ARFGEF3: variants seen among roughly 807,000 people sequenced by gnomAD.
ARFGEF3 encodes the protein ARFGEF family member 3.
A neutral mutation model predicts 221.7 loss-of-function variants in ARFGEF3; 96 were observed. The observed-to-expected ratio is 0.43, with a 90% CI of 0.37 to 0.51. The LOEUF (loss-of-function observed/expected upper bound fraction) is 0.51. Ranked by LOEUF, ARFGEF3 falls within the 20% of genes least tolerant of loss-of-function variation. The probability of loss-of-function intolerance (pLI) is 0.00; values close to 1 mark genes in which losing one functional copy is unlikely to be tolerated. For synonymous variants in ARFGEF3, 1,145 were observed against 1,126.8 expected (o/e 1.02, Z -0.32); for missense variants, 2,410 against 2,789.9 (o/e 0.86, Z 3.07).
At position 138,249,304 on chromosome 6, in the gene ARFGEF3, G is replaced by T. The variant is rs963494039; in HGVS notation, c.665+3713G>T. Among the ~76,000 whole-genome samples the T allele has an allele frequency of 2.0e-5, 3 of 152,150 alleles. No individual in the cohort carries two copies. In the South Asian group the frequency reaches 6.2e-4, roughly 32 times the overall value. On this transcript the variant is annotated intron_variant, in intron 8 of 33. Transcript: ENST00000251691. ...AGCATTTCTTAACCACATGACTTAA[G>T]AATAGGTATTTTGTTTTTGTTTTGT... is the stretch of plus-strand genomic sequence containing the variant.
At chr6:138,333,088 T>C (rs1485008116) in intron 32 of ARFGEF3, among the ~76,000 whole-genome samples, 1 of 152,230 alleles carries the variant, frequency 6.6e-6, no homozygotes, top group Non-Finnish European at 1.5e-5. Context: ...TAATTGGCCA[T>C]ATAATGGCCA....
Position 138,298,719 on chromosome 6 carries a change from A to G in ARFGEF3, c.3762A>G (p.Glu1254=). ...WNEPPHFHFN[E]ALFRPFERIM... is the part of the protein sequence containing the mutation. Reference sequence around the variant, plus strand: ...AGCCACCTCATTTTCACTTCAATGAAGCACTCTTCCGACCTTTCGAGCGCA... The same window carrying G: ...AGCCACCTCATTTTCACTTCAATGAGGCACTCTTCCGACCTTTCGAGCGCA... Residue 1254 remains glutamate (E), a synonymous_variant, in exon 22 of 34, where the codon GAA becomes GAG. Transcript: ENST00000251691. The G allele has an allele frequency of 6.2e-7, 1 of 1,613,618 alleles. No homozygotes were observed. The highest frequency in any genetic ancestry group is 8.5e-7 in the Non-Finnish European group (1 of 1,179,746).
chr6:138,325,859 T>TG (rs1308627717), intron 31 of ARFGEF3, among the ~76,000 whole-genome samples: 3 of 139,440 alleles, frequency 2.2e-5, no homozygotes, highest in African/African-American at 8.5e-5. Flanking sequence ...TTGTTGTTGT[T>TG]TGTTTGTTTT....
Position 138,334,984 on chromosome 6 carries a change from AG to A in ARFGEF3, c.6139del (p.Val2047TrpfsTer24). The A allele has an allele frequency of 6.3e-7, 1 of 1,586,036 alleles. No individual in the cohort carries two copies. Among genetic ancestry groups the A allele is most frequent in the Admixed American group, 1.8e-5 (1 of 55,158 alleles). On this transcript the variant is annotated frameshift_variant, in exon 33 of 34. Transcript: ENST00000251691. LOFTEE classifies it high-confidence loss of function. This position sits in a 1 kb window ranked among gnomAD's most constrained non-coding sequence, Gnocchi z 5.1. Reference protein sequence around the residue: ...NLSAFPKEVKVEKKGEPLGPR... With the variant: ...NLSAFPKEVKXEKKGEPLGPR... ...TGTCCGCGTTCCCCAAAGAGGTCAA[AG>A]TGGAGAAGAAAGGAGAGCCACTGGG...
intron 5 of ARFGEF3, among the ~76,000 whole-genome samples, chr6:138,236,002 G>A (rs1057487700): frequency 5.9e-5 from 9 of 152,158 alleles, no homozygotes; most frequent in Non-Finnish European, 8.8e-5. Context: ...TAAAAACAGT[G>A]CTGGCATTAA....
intron 2 of ARFGEF3, among the ~76,000 whole-genome samples, chr6:138,197,566 T>C (rs1040523295): frequency 2.0e-5 from 3 of 152,220 alleles, no homozygotes; most frequent in Non-Finnish European, 4.4e-5. Context: ...GTGAGTATAG[T>C]GTTGCATGAT....
Position 138,209,966 on chromosome 6 carries a change from G to A in ARFGEF3, c.276G>A (p.Gln92=). ...TGGAAACAGATTCTGATGAGAAGCA[G>A]CTGCTCAATCAGATACTGAATGCCG... ...VSMETDSDEK[Q]LLNQILNAVK... is the part of the protein sequence containing the mutation. Residue 92 remains glutamine (Q), a synonymous_variant, in exon 4 of 34, where the codon CAG becomes CAA. Coordinates refer to ENST00000251691, the MANE Select transcript of ARFGEF3 (RefSeq NM_020340.5). The A allele has an allele frequency of 1.2e-6, 2 of 1,613,810 alleles. No homozygotes were observed. The highest frequency in any genetic ancestry group is 1.3e-5 in the African/African-American group (1 of 75,038).
chr6:138,239,579 G>T (rs1778354938), intron 6 of ARFGEF3, among the ~76,000 whole-genome samples: 1 of 151,174 alleles, frequency 6.6e-6, no homozygotes, highest in African/African-American at 2.4e-5. Context: ...AACTCAGGAG[G>T]TGGAGGTTGC....
chr6:138,255,057 G>A (rs111685060), intron 9 of ARFGEF3, among the ~76,000 whole-genome samples: 204 of 152,286 alleles, frequency 1.3e-3, no homozygotes, highest in African/African-American at 4.6e-3. Flanking sequence ...TGGGCTTATC[G>A]ACAGGAAGGA....
At position 138,171,105 on chromosome 6, in the gene ARFGEF3, C is replaced by T. The variant is rs571092653; in HGVS notation, c.137+392C>T. Among the ~76,000 whole-genome samples, 36 of 148,876 alleles carry T rather than the reference C, an allele frequency of 2.4e-4. No homozygotes were observed. In the East Asian group the frequency reaches 5.8e-3, roughly 24 times the overall value. Reference sequence around the variant, plus strand: ...TCTCATTAGGCCTGACCTCCCAATACTGTTGCATTGGGGATTACGTTTCCA... The same window carrying T: ...TCTCATTAGGCCTGACCTCCCAATATTGTTGCATTGGGGATTACGTTTCCA... On this transcript the variant is annotated intron_variant, in intron 2 of 33. Transcript: ENST00000251691.
intron 4 of ARFGEF3, 135 bp downstream of exon 4, chr6:138,210,176 C>G (rs566070452): frequency 1.2e-6 from 1 of 830,354 alleles, no homozygotes; most frequent in Admixed American, 2.9e-5. Flanking sequence ...GCTTGTTATT[C>G]TTGCTCATGG....
chr6:138,239,374 G>A (rs758391314), intron 6 of ARFGEF3, among the ~76,000 whole-genome samples: 5 of 152,102 alleles, frequency 3.3e-5, no homozygotes, highest in African/African-American at 9.7e-5. Context: ...ACAGCTGGAC[G>A]TGGTGGCTCA....
In ARFGEF3 at chr6:138,296,956, G is replaced by A. The variant is rs764600969; in HGVS notation, c.3648+1G>A. 1 of 1,611,002 alleles carries A rather than the reference G, an allele frequency of 6.2e-7. No homozygotes were observed. Among genetic ancestry groups the A allele is most frequent in the South Asian group, 1.1e-5 (1 of 90,450 alleles). ...CCTTGTGGCCCCACACCTGGTGGAG[G>A]TGAGCACTGGGAAGGTGGGAAGAGG... On this transcript the variant is annotated splice_donor_variant, in intron 21 of 33. Transcript: ENST00000251691. LOFTEE classifies it high-confidence loss of function.
intron 2 of ARFGEF3, among the ~76,000 whole-genome samples, chr6:138,172,244 T>C (rs770292979): frequency 9.9e-5 from 15 of 152,214 alleles, no homozygotes; most frequent in Non-Finnish European, 2.1e-4. Flanking sequence ...GTGAGGACTT[T>C]CTATGAGCTG....
intron 2 of ARFGEF3, among the ~76,000 whole-genome samples, chr6:138,183,629 G>A (rs887333432): frequency 1.3e-5 from 2 of 152,094 alleles, no homozygotes; most frequent in Non-Finnish European, 2.9e-5. Flanking sequence ...GGTGCATGCC[G>A]GAAATGCAAT....
At chr6:138,314,955 T>TA (rs550445329) in intron 26 of ARFGEF3, among the ~76,000 whole-genome samples, 62 of 152,376 alleles carry the variant, frequency 4.1e-4, no homozygotes, top group Non-Finnish European at 7.2e-4. Context: ...ACCCATCCTT[T>TA]TAAAATGGAT....
intron 14 of ARFGEF3, 43 bp downstream of exon 14, chr6:138,280,207 G>A (rs371175206): frequency 6.3e-5 from 100 of 1,594,214 alleles, no homozygotes; most frequent in Non-Finnish European, 7.3e-5. Context: ...TGGTAGGGTG[G>A]GACGGCTCAC....
At chr6:138,240,477 G>C (rs1031326201) in intron 6 of ARFGEF3, among the ~76,000 whole-genome samples, 6 of 152,106 alleles carry the variant, frequency 3.9e-5, no homozygotes, top group African/African-American at 1.4e-4. Flanking sequence ...AGCTCATACT[G>C]CTCTTCCATA....
chr6:138,228,218 C>T (rs1043954186), intron 4 of ARFGEF3, among the ~76,000 whole-genome samples: 26 of 147,670 alleles, frequency 1.8e-4, no homozygotes, highest in South Asian at 8.8e-4. Context: ...ACTCTGTCAC[C>T]CAGGCTGGAG....
Sources: allele counts gnomAD v4.1 joint callset (sites outside exome capture counted in the v4.1 genomes callset), GRCh38; gene constraint gnomAD v4.1.1; non-coding constraint Gnocchi (gnomAD v3.1); transcripts MANE v1.5; gene names NCBI Gene and HGNC (gene_info 2026-07-23, HGNC 2026-07-21).